Variants in NUMB observed in about 807,000 individuals in gnomAD.
NUMB encodes the protein NUMB endocytic adaptor protein.
A neutral mutation model predicts 59.7 loss-of-function variants in NUMB; 29 were observed. That is an observed-to-expected ratio of 0.49 (90% CI 0.36 to 0.66). The LOEUF (loss-of-function observed/expected upper bound fraction) is 0.66. NUMB is among the 30% of genes least tolerant of loss of function. The pLI, the probability that NUMB is intolerant of heterozygous loss-of-function variation, is 0.00. For missense variants in NUMB, 723 were observed against 822.0 expected, an observed-to-expected ratio of 0.88 and a Z score of 1.47; for synonymous variants, 288 against 288.2, an observed-to-expected ratio of 1.00 and a Z score of 0.01.
At chr14:73,395,981 G>GTTGA (rs936694574) in intron 2 of NUMB, among the ~76,000 whole-genome samples, 3 of 152,136 alleles carry the variant, frequency 2.0e-5, no homozygotes, top group Non-Finnish European at 4.4e-5. Flanking sequence ...CTAAATTGGA[G>GTTGA]TTGATATCAA....
chr14:73,324,138 C>CCA (rs1891545451), intron 4 of NUMB, among the ~76,000 whole-genome samples: 1 of 152,174 alleles, frequency 6.6e-6, no homozygotes, highest in Non-Finnish European at 1.5e-5. Flanking sequence ...AAGAGACTAA[C>CCA]GGTCAACACC....
At position 73,346,105 on chromosome 14, in the gene NUMB, C is replaced by A. The variant is rs1892903228; in HGVS notation, c.126+9521G>T. 2.0e-5 allele frequency among the ~76,000 whole-genome samples: 3 copies of A among 152,006 alleles called. No homozygotes were observed. In the South Asian group the frequency reaches 6.2e-4, roughly 32 times the overall value. On this transcript the variant is annotated intron_variant, in intron 4 of 12. Coordinates refer to ENST00000555238, the MANE Select transcript of NUMB (RefSeq NM_001005743.2). ...AGAACTCTTGAAAAAGTTCTGGGAT[C>A]TCACTTTGAGAAGCACTAGATTAAG...
chr14:73,403,340 A>T (rs17182391), intron 2 of NUMB, among the ~76,000 whole-genome samples: 33,212 of 152,180 alleles, frequency 0.22, 3,934 homozygotes, highest in Non-Finnish European at 0.24. Flanking sequence ...TTACAGCCTG[A>T]TTCACCCATT....
At chr14:73,284,798 A>C (rs752165071) in intron 9 of NUMB, 1 of 153,754 alleles carries the variant, frequency 6.5e-6, no homozygotes, top group Non-Finnish European at 1.4e-5. Flanking sequence ...TATATCTTTG[A>C]TTAGGTGTCA....
chr14:73,387,205 A>G (rs941568501), intron 2 of NUMB, among the ~76,000 whole-genome samples: 1 of 152,136 alleles, frequency 6.6e-6, no homozygotes, highest in Admixed American at 6.5e-5. Context: ...ATTAAGTGAC[A>G]TGGTTTGGCT....
At chr14:73,361,063 G>GT (rs947146487) in intron 3 of NUMB, among the ~76,000 whole-genome samples, 15 of 151,922 alleles carry the variant, frequency 9.9e-5, no homozygotes, top group Admixed American at 8.5e-4. Flanking sequence ...TAATTGTTGT[G>GT]TTTTTTTGTA....
At chr14:73,449,202 G>A (rs1359192351) in intron 1 of NUMB, among the ~76,000 whole-genome samples, 1 of 152,066 alleles carries the variant, frequency 6.6e-6, no homozygotes, top group Non-Finnish European at 1.5e-5. Context: ...TTAATCTAGA[G>A]AAATAATTCA....
chr14:73,310,450 G>A (rs1219401581), intron 6 of NUMB, among the ~76,000 whole-genome samples: 1 of 152,204 alleles, frequency 6.6e-6, no homozygotes, highest in Non-Finnish European at 1.5e-5. Context: ...CCATTGGGCT[G>A]TCTAGCGTCC....
chr14:73,381,000 G>A (rs1043701800), intron 2 of NUMB, among the ~76,000 whole-genome samples: 5 of 152,164 alleles, frequency 3.3e-5, no homozygotes, highest in African/African-American at 9.7e-5. Context: ...TGGGATTACA[G>A]GCATGAGCCA....
chr14:73,454,211 A>T (rs1566805400), intron 1 of NUMB, among the ~76,000 whole-genome samples: 1 of 151,752 alleles, frequency 6.6e-6, no homozygotes, highest in Non-Finnish European at 1.5e-5. Flanking sequence ...TAAAAGTTGA[A>T]TTTTTTTTTA....
At chr14:73,290,197 C>A (rs177374) in intron 8 of NUMB, among the ~76,000 whole-genome samples, 121,775 of 152,188 alleles carry the variant, frequency 0.8, 49,281 homozygotes, top group African/African-American at 0.92. Flanking sequence ...AAAATATACC[C>A]AGTTTGTGGT....
chr14:73,357,612 A>G (rs912522762), intron 3 of NUMB, among the ~76,000 whole-genome samples: 3 of 150,936 alleles, frequency 2.0e-5, no homozygotes, highest in Admixed American at 2.0e-4. Context: ...AAAATACAAA[A>G]ATTAGTTGGG....
intron 3 of NUMB, among the ~76,000 whole-genome samples, chr14:73,360,563 A>G (rs1185770762): frequency 6.6e-6 from 1 of 151,900 alleles, no homozygotes; most frequent in Non-Finnish European, 1.5e-5. Flanking sequence ...ATCTCAAAAC[A>G]AAACAAAAAA....
intron 6 of NUMB, among the ~76,000 whole-genome samples, chr14:73,308,962 A>C (rs1306893251): frequency 6.6e-6 from 1 of 152,202 alleles, no homozygotes; most frequent in Admixed American, 6.5e-5. Context: ...AAATGGGTTC[A>C]ACAGAAGAAG....
intron 1 of NUMB, among the ~76,000 whole-genome samples, chr14:73,429,249 G>C (rs972878781): frequency 2.6e-5 from 4 of 152,118 alleles, no homozygotes; most frequent in Admixed American, 2.0e-4. Flanking sequence ...GCGAGCACCT[G>C]AAGTCCCAGC....
At chr14:73,359,922 A>G (rs1018650766) in intron 3 of NUMB, among the ~76,000 whole-genome samples, 5 of 152,124 alleles carry the variant, frequency 3.3e-5, no homozygotes, top group African/African-American at 1.2e-4. Flanking sequence ...CTTCTAAAAT[A>G]TATCTCAAAA....
chr14:73,404,260 AAATAAT>A (rs10677503), intron 2 of NUMB, among the ~76,000 whole-genome samples: 31 of 145,980 alleles, frequency 2.1e-4, no homozygotes, highest in East Asian at 1.6e-3. Context: ...AAAAAAGGTA[AAATAAT>A]AATAATAATA....
intron 6 of NUMB, among the ~76,000 whole-genome samples, chr14:73,310,431 G>A (rs563845906): frequency 1.9e-4 from 29 of 152,310 alleles, no homozygotes; most frequent in African/African-American, 7.0e-4. Flanking sequence ...GTTTGTGGAA[G>A]TATTCAGGCC....
intron 1 of NUMB, among the ~76,000 whole-genome samples, chr14:73,448,931 CGGTCCTCTGTATCCATG>C (rs1267542693): frequency 1.3e-5 from 2 of 151,874 alleles, no homozygotes; most frequent in Non-Finnish European, 2.9e-5. Context: ...ATAGTACAGT[CGGTCCTCTGTATCCATG>C]GGTCCCACAC....
Sources: gnomAD v4.1 joint callset for allele counts (sites outside exome capture counted in the v4.1 genomes callset) on GRCh38, gnomAD v4.1.1 for gene constraint, MANE v1.5 for transcripts, NCBI Gene and HGNC (gene_info 2026-07-23, HGNC 2026-07-21) for gene names.